NCR1: variants seen among roughly 807,000 people sequenced by gnomAD.
NCR1 encodes the protein natural cytotoxicity triggering receptor 1, also known as NK cell-activating receptor.
A neutral mutation model predicts 32.5 loss-of-function variants in NCR1; 30 were observed. That is an observed-to-expected ratio of 0.92 (90% confidence interval 0.69 to 1.25). The LOEUF (loss-of-function observed/expected upper bound fraction) is 1.25. NCR1 is among the 50% of genes most tolerant of loss of function. The pLI is 0.00. For missense variants in NCR1, 369 were observed against 380.7 expected (o/e 0.97, Z 0.26); for synonymous variants, 169 against 143.4 (o/e 1.18, Z -1.28).
the NCR1 span, among the ~76,000 whole-genome samples, chr19:54,922,957 C>G: frequency 8.0e-5 from 12 of 150,524 alleles, no homozygotes; most frequent in Middle Eastern, 0.014. Context: ...CAAAGAGAGA[C>G]ACACAGAGAC....
chr19:54,909,168 T>G, intron 3 of NCR1, 77 bp from the exon 4 acceptor site: 1 of 1,426,152 alleles, frequency 7.0e-7, no homozygotes. Flanking sequence ...AGACTCCATC[T>G]CTAAAGAAAG....
the NCR1 span, among the ~76,000 whole-genome samples, chr19:54,928,974 C>G: frequency 2.6e-5 from 4 of 152,008 alleles, no homozygotes; most frequent in African/African-American, 9.7e-5. Context: ...GAACAAGACA[C>G]CAGGTAATCC....
upstream of NCR1, among the ~76,000 whole-genome samples, chr19:54,902,541 A>C (rs1434086192): frequency 6.6e-6 from 1 of 151,866 alleles, no homozygotes; most frequent in East Asian, 1.9e-4. Context: ...TGCTGGGATT[A>C]CAGGTGTGAG....
At chr19:54,935,894 C>G in the NCR1 span, among the ~76,000 whole-genome samples, 4 of 151,288 alleles carry the variant, frequency 2.6e-5, no homozygotes, top group Non-Finnish European at 5.9e-5. Flanking sequence ...CATCCCAAAA[C>G]TACCCCCAAA....
At chr19:54,903,728 G>A (rs116426575), upstream of NCR1, among the ~76,000 whole-genome samples, 5,626 of 151,020 alleles carry the variant, frequency 0.037, 143 homozygotes, top group African/African-American at 0.063. Flanking sequence ...ATATATGTGT[G>A]TATATATAAA....
At chr19:54,902,668 T>TC (rs1453542056), upstream of NCR1, among the ~76,000 whole-genome samples, 1 of 152,164 alleles carries the variant, frequency 6.6e-6, no homozygotes, top group Non-Finnish European at 1.5e-5. Flanking sequence ...TGAAGGTAAC[T>TC]ATGTTATGGC....
chr19:54,928,407 C>CA, the NCR1 span, among the ~76,000 whole-genome samples: 171 of 151,952 alleles, frequency 1.1e-3, 1 homozygote, highest in Admixed American at 4.9e-3. Context: ...CAAAACAAAA[C>CA]AAAAAAACAA....
At chr19:54,905,146 T>C (rs1237211961), upstream of NCR1, among the ~76,000 whole-genome samples, 1 of 152,226 alleles carries the variant, frequency 6.6e-6, no homozygotes, top group Non-Finnish European at 1.5e-5. Context: ...TGTAGTTCTC[T>C]GAAATATCTC....
the NCR1 span, among the ~76,000 whole-genome samples, chr19:54,927,152 G>A: frequency 2.6e-5 from 4 of 151,350 alleles, no homozygotes; most frequent in African/African-American, 9.7e-5. Context: ...ACTTTGGGAG[G>A]CCGAGGCAGG....
At chr19:54,908,580 C>G (rs1366688601) in intron 3 of NCR1, among the ~76,000 whole-genome samples, 2 of 152,012 alleles carry the variant, frequency 1.3e-5, no homozygotes, top group African/African-American at 4.8e-5. Context: ...GAGGCGCCCC[C>G]CCACCTCCCA....
At chr19:54,911,863 G>A (rs1342826671) in intron 5 of NCR1, among the ~76,000 whole-genome samples, 2 of 151,818 alleles carry the variant, frequency 1.3e-5, no homozygotes, top group Non-Finnish European at 2.9e-5. Flanking sequence ...GGTATGTGGT[G>A]TGTGCCTGTA....
chr19:54,903,035 C>G (rs1160686174), upstream of NCR1, among the ~76,000 whole-genome samples: 2 of 151,858 alleles, frequency 1.3e-5, no homozygotes, highest in Non-Finnish European at 2.9e-5. Context: ...GAGGCTAGAA[C>G]AGGAGAATTG....
At chr19:54,911,477 C>G (rs950108344) in intron 5 of NCR1, among the ~76,000 whole-genome samples, 3 of 151,994 alleles carry the variant, frequency 2.0e-5, no homozygotes, top group Admixed American at 2.0e-4. Context: ...ACGGGCTGGG[C>G]CGGGTGGCTC....
chr19:54,933,339 G>T, the NCR1 span, among the ~76,000 whole-genome samples: 93 of 152,118 alleles, frequency 6.1e-4, no homozygotes, highest in African/African-American at 2.1e-3. Flanking sequence ...TACAGACAGG[G>T]TTTCACCATG....
chr19:54,917,754 G>T (rs1252139437), downstream of NCR1, among the ~76,000 whole-genome samples: 3 of 152,074 alleles, frequency 2.0e-5, no homozygotes, highest in Non-Finnish European at 2.9e-5. Context: ...TGGTAGGTAG[G>T]GTCCAGGGGT....
chr19:54,903,667 AC>A (rs879423098), upstream of NCR1, among the ~76,000 whole-genome samples: 7,114 of 147,450 alleles, frequency 0.048, 231 homozygotes, highest in Admixed American at 0.094. Flanking sequence ...ATATATGTAT[AC>A]ATATATGTAT....
At chr19:54,932,805 A>G in the NCR1 span, among the ~76,000 whole-genome samples, 1 of 152,002 alleles carries the variant, frequency 6.6e-6, no homozygotes, top group East Asian at 1.9e-4. Flanking sequence ...ATAGGCACGC[A>G]CCACCAAGCC....
At chr19:54,903,513 T>A (rs1347291846), upstream of NCR1, among the ~76,000 whole-genome samples, 2 of 128,052 alleles carry the variant, frequency 1.6e-5, no homozygotes, top group Non-Finnish European at 3.5e-5. Flanking sequence ...TATACACGCA[T>A]ACATGTGTGT....
chr19:54,905,856 G>C (rs1380825873), upstream of NCR1, among the ~76,000 whole-genome samples: 1 of 152,116 alleles, frequency 6.6e-6, no homozygotes, highest in African/African-American at 2.4e-5. Flanking sequence ...GGTTTCCTCT[G>C]GGCATGATTG....
Sources: gnomAD v4.1 joint callset for allele counts (sites outside exome capture counted in the v4.1 genomes callset) on GRCh38, gnomAD v4.1.1 for gene constraint, MANE v1.5 for transcripts, NCBI Gene and HGNC (gene_info 2026-07-23, HGNC 2026-07-21) for gene names.